LUZP1: variants seen among roughly 807,000 people sequenced by gnomAD.
The protein encoded by LUZP1 is leucine zipper protein 1, also known as filamin mechanobinding actin cross-linking protein.
LUZP1 carries 25 observed loss-of-function variants against 71.3 expected under a neutral mutation model. The observed-to-expected ratio is 0.35, with a 90% CI of 0.26 to 0.49. The LOEUF (loss-of-function observed/expected upper bound fraction) is 0.49, where lower values mean the gene tolerates loss of function less well. LUZP1 is among the 20% of genes least tolerant of loss of function. LUZP1 has a pLI of 0.99. For missense variants in LUZP1, 1,142 were observed against 1,300.8 expected (o/e 0.88, Z 1.88); for synonymous variants, 481 against 506.4 (o/e 0.95, Z 0.67).
At chr1:23,099,647 C>G (rs1643916193) in intron 3 of LUZP1, among the ~76,000 whole-genome samples, 1 of 152,042 alleles carries the variant, frequency 6.6e-6, no homozygotes, top group African/African-American at 2.4e-5. Context: ...GGAATTATAC[C>G]ACCGTTTTAT....
At chr1:23,103,875 GGAGGGAGA>G (rs1238185786) in intron 3 of LUZP1, among the ~76,000 whole-genome samples, 1 of 9,896 alleles carries the variant, frequency 1.0e-4, no homozygotes, top group Non-Finnish European at 2.7e-4. Flanking sequence ...AGGGAGGGAG[GGAGGGAGA>G]GAGGGAGAGA....
chr1:23,146,206 C>A (rs947161965), intron 2 of LUZP1, among the ~76,000 whole-genome samples: 1 of 151,996 alleles, frequency 6.6e-6, no homozygotes. Flanking sequence ...TTAGTAGAGA[C>A]GGGGTTTCAC....
At chr1:23,087,624 T>C (rs1172995441) in exon 5 of LUZP1, 2 of 152,650 alleles carry the variant, frequency 1.3e-5, no homozygotes, top group African/African-American at 4.8e-5. Flanking sequence ...GATCCCTTCT[T>C]TGAATTGACA....
At chr1:23,141,534 T>C (rs980217985) in intron 2 of LUZP1, among the ~76,000 whole-genome samples, 2 of 152,134 alleles carry the variant, frequency 1.3e-5, no homozygotes, top group African/African-American at 4.8e-5. Flanking sequence ...GACATAGTAT[T>C]CAGTGTGTTA....
At chr1:23,128,919 T>C (rs1644193109) in intron 2 of LUZP1, among the ~76,000 whole-genome samples, 1 of 152,264 alleles carries the variant, frequency 6.6e-6, no homozygotes, top group Non-Finnish European at 1.5e-5. Context: ...AAGCTGTGCT[T>C]CTTAGGCGGA....
At chr1:23,135,110 T>G (rs1189285985) in intron 2 of LUZP1, among the ~76,000 whole-genome samples, 1 of 152,192 alleles carries the variant, frequency 6.6e-6, no homozygotes, top group Non-Finnish European at 1.5e-5. Context: ...CAATCCACAA[T>G]TCTTTGTTTG....
intron 3 of LUZP1, 115 bp downstream of exon 2, chr1:23,108,907 G>C (rs1021586768): frequency 6.6e-6 from 1 of 152,166 alleles, no homozygotes; most frequent in African/African-American, 2.4e-5. Context: ...GTTCATAATA[G>C]GCCATCACAA....
intron 2 of LUZP1, among the ~76,000 whole-genome samples, chr1:23,152,213 TAACA>T (rs1644390303): frequency 6.6e-6 from 1 of 152,136 alleles, no homozygotes; most frequent in Non-Finnish European, 1.5e-5. Flanking sequence ...CCTCTCTATC[TAACA>T]GTTAACCTAA....
At chr1:23,089,001 G>A (rs375176842) in exon 5 of LUZP1, 67 of 1,614,062 alleles carry the variant, frequency 4.2e-5, no homozygotes, top group Non-Finnish European at 5.3e-5. Flanking sequence ...CGGATCCAGG[G>A]AGTTGTGCAG....
At position 23,134,209 on chromosome 1, in the gene LUZP1, C is replaced by T. The variant is rs770737060; in HGVS notation, c.-225-25082G>A. On this transcript the variant is annotated intron_variant, in intron 2 of 4. Transcript: ENST00000302291. ...TTAAAACAGACACAAGGCCAGGCAC[C>T]GTGGCTCACACCTGTAGTCCCAACA... 4.6e-5 allele frequency among the ~76,000 whole-genome samples: 7 copies of T among 152,120 alleles called. 1 individual carries two copies. Among genetic ancestry groups the T allele is most frequent in the South Asian group, 4.1e-4 (2 of 4,828 alleles).
rs186084806 is a variant in LUZP1, at chr1:23,094,847, T to A, written c.-119-467A>T. ...TAAACAATCCTAAGATTTTTTTTTT[T>A]AAAGATTATCTCTTATGAGCTATTG... On this transcript the variant is annotated intron_variant, in intron 3 of 4. Coordinates refer to ENST00000302291, the Ensembl canonical transcript of LUZP1. This position sits in a 1 kb window ranked among gnomAD's most constrained non-coding sequence, Gnocchi z 4.7. Among the ~76,000 whole-genome samples the A allele has an allele frequency of 3.2e-4, 48 of 152,232 alleles. 1 individual carries two copies. In the East Asian group the frequency reaches 8.7e-3, roughly 28 times the overall value.
intron 2 of LUZP1, among the ~76,000 whole-genome samples, chr1:23,121,009 C>T (rs1644125254): frequency 6.6e-6 from 1 of 152,090 alleles, no homozygotes; most frequent in African/African-American, 2.4e-5. Flanking sequence ...AATCAGTTAC[C>T]CAGAGTATTT....
intron 2 of LUZP1, among the ~76,000 whole-genome samples, chr1:23,122,747 AT>A (rs1644140320): frequency 6.6e-6 from 1 of 152,192 alleles, no homozygotes; most frequent in African/African-American, 2.4e-5. Context: ...CCAAAGTTCC[AT>A]TTCCTCAAAT....
intron 2 of LUZP1, among the ~76,000 whole-genome samples, chr1:23,117,832 C>CTA (rs1437967270): frequency 6.6e-6 from 1 of 152,154 alleles, no homozygotes; most frequent in Non-Finnish European, 1.5e-5. Context: ...TGGCTCACGG[C>CTA]TGTAATCCCA....
intron 2 of LUZP1, among the ~76,000 whole-genome samples, chr1:23,152,278 T>G (rs573374633): frequency 6.6e-6 from 1 of 152,208 alleles, no homozygotes; most frequent in Non-Finnish European, 1.5e-5. Flanking sequence ...TAGGAACTTA[T>G]ACAATGTTTC....
chr1:23,138,258 G>A (rs910248477), intron 2 of LUZP1, among the ~76,000 whole-genome samples: 5 of 152,154 alleles, frequency 3.3e-5, no homozygotes, highest in Non-Finnish European at 5.9e-5. Flanking sequence ...ACAGGCGTGA[G>A]CCACCGCACC....
chr1:23,167,929 C>T (rs1032418441), intron 2 of LUZP1, among the ~76,000 whole-genome samples: 3 of 151,870 alleles, frequency 2.0e-5, no homozygotes, highest in African/African-American at 7.2e-5. Context: ...GGGCCCCGCG[C>T]TGCGGAAAGT....
chr1:23,119,354 G>A (rs895195751), intron 2 of LUZP1, among the ~76,000 whole-genome samples: 1 of 149,772 alleles, frequency 6.7e-6, no homozygotes, highest in African/African-American at 2.5e-5. Flanking sequence ...GAACTCCTGG[G>A]CTCGAGCAAT....
At chr1:23,163,566 A>G (rs1177440904) in intron 2 of LUZP1, among the ~76,000 whole-genome samples, 2 of 151,608 alleles carry the variant, frequency 1.3e-5, no homozygotes, top group Non-Finnish European at 2.9e-5. Context: ...AAAAAAAAAA[A>G]AAAAAAAAAT....
Sources: allele counts gnomAD v4.1 joint callset (sites outside exome capture counted in the v4.1 genomes callset), GRCh38; gene constraint gnomAD v4.1.1; non-coding constraint Gnocchi (gnomAD v3.1); transcripts MANE v1.5; gene names NCBI Gene and HGNC (gene_info 2026-07-23, HGNC 2026-07-21).